The following SYNJ2 variants were observed in gnomAD, a reference collection of about 807,000 sequenced individuals.
SYNJ2 encodes synaptojanin 2, also known as polyphosphatidylinositol phosphatase SYNJ2.
SYNJ2 carries 116 observed loss-of-function variants against 141.3 expected under a neutral mutation model. The ratio of observed to expected loss-of-function variants is 0.82; its 90% CI spans 0.71 to 0.96. SYNJ2 has a LOEUF of 0.96. SYNJ2 is among the 40% of genes least tolerant of loss of function. SYNJ2 has a pLI of 0.00. For missense variants in SYNJ2, 1,873 were observed against 1,934.8 expected (o/e 0.97, Z 0.60); for synonymous variants, 745 against 777.7 (o/e 0.96, Z 0.70).
At chr6:158,010,721 T>G (rs1778231422) in intron 1 of SYNJ2, among the ~76,000 whole-genome samples, 1 of 152,060 alleles carries the variant, frequency 6.6e-6, no homozygotes, top group African/African-American at 2.4e-5. Flanking sequence ...TGGAGTAGGG[T>G]GGGCCCTTAA....
Position 158,062,193 on chromosome 6 carries a change from C to T in SYNJ2, c.1127+29C>T, listed in dbSNP as rs368428973. On this transcript the variant is annotated intron_variant, in intron 8 of 26. Transcript: ENST00000355585. ...AGGCTCGCTGCGCACTGTGCCGCGT[C>T]TTCTGCTGGGGGGAAGCGTCAGTCC... The T allele has an allele frequency of 1.5e-4, 244 of 1,600,244 alleles. 1 individual carries two copies. The highest frequency in any genetic ancestry group is 2.0e-4 in the Non-Finnish European group (231 of 1,172,238).
chr6:158,073,408 A>G (rs9347994), intron 15 of SYNJ2, among the ~76,000 whole-genome samples: 107,910 of 151,766 alleles, frequency 0.71, 38,638 homozygotes, highest in East Asian at 0.88. Context: ...ATGTTGGCCC[A>G]GCTGGTCTCG....
chr6:158,067,810 G>T, intron 12 of SYNJ2: 1 of 985,274 alleles, frequency 1.0e-6, no homozygotes, highest in African/African-American at 1.7e-5. Flanking sequence ...CTGTGTCGGT[G>T]GTAGCCTGGG....
At chr6:158,082,919 A>G (rs1285794517) in intron 20 of SYNJ2, among the ~76,000 whole-genome samples, 1 of 145,928 alleles carries the variant, frequency 6.9e-6, no homozygotes, top group Non-Finnish European at 1.5e-5. Context: ...CCAAATGGGA[A>G]GCTGGAGATG....
At position 158,081,321 on chromosome 6, in the gene SYNJ2, T is replaced by A. The variant is rs758766618; in HGVS notation, c.2780T>A (p.Leu927His). The stretch of plus-strand genomic sequence containing the variant: ...TTGGGGAGTTATGGGACAATTGTTC[T>A]TGTCAGGTAACTGCTCCCCTGGCTG... ...QTLGSYGTIV[L>H]VRINQGQMLV... Residue 927 changes from leucine to histidine, a missense_variant, in exon 19 of 27, where the codon CTT becomes CAT. Coordinates refer to ENST00000355585, the MANE Select transcript of SYNJ2 (RefSeq NM_003898.4). 1.1e-5 allele frequency: 17 copies of A among 1,614,138 alleles called. No individual in the cohort carries two copies. The highest frequency in any genetic ancestry group is 1.4e-5 in the Non-Finnish European group (16 of 1,180,002).
chr6:158,087,880 T>TTTC (rs1162157624), intron 23 of SYNJ2, among the ~76,000 whole-genome samples: 2 of 151,038 alleles, frequency 1.3e-5, no homozygotes, highest in African/African-American at 4.9e-5. Context: ...TACTTCTTTT[T>TTTC]TTTTTTTTTT....
chr6:158,063,671 A>AC (rs1317218231), intron 8 of SYNJ2, 120 bp from the exon 9 acceptor site: 10 of 555,278 alleles, frequency 1.8e-5, no homozygotes, highest in African/African-American at 1.4e-4. Flanking sequence ...AAAAAAAAAA[A>AC]AAAAAAAAAA....
At chr6:158,077,656 A>T (rs1782395598) in intron 17 of SYNJ2, 4 of 9,480 alleles carry the variant, frequency 4.2e-4, no homozygotes, top group South Asian at 4.6e-3. Flanking sequence ...TACATAAAAA[A>T]AAAAAAAAAA....
At chr6:158,011,544 G>A (rs1230576849) in intron 1 of SYNJ2, among the ~76,000 whole-genome samples, 1 of 152,142 alleles carries the variant, frequency 6.6e-6, no homozygotes, top group African/African-American at 2.4e-5. Flanking sequence ...GGTCCTGTTG[G>A]GTTTTGTTTG....
At chr6:158,062,414 G>A (rs909513874) in intron 8 of SYNJ2, among the ~76,000 whole-genome samples, 8 of 152,142 alleles carry the variant, frequency 5.3e-5, no homozygotes, top group South Asian at 4.1e-4. Context: ...CACAGTAGGA[G>A]ACAGGCTTTT....
chr6:158,062,223 T>G, intron 8 of SYNJ2, 59 bp downstream of exon 8: 3 of 1,582,276 alleles, frequency 1.9e-6, no homozygotes, highest in Non-Finnish European at 2.6e-6. Flanking sequence ...CAGTCCACGG[T>G]GAGGCTCGCT....
intron 23 of SYNJ2, 89 bp from the exon 24 acceptor site, chr6:158,088,571 A>T: frequency 1.1e-6 from 1 of 936,208 alleles, no homozygotes; most frequent in Admixed American, 1.8e-5. Flanking sequence ...CTGCTGGGAC[A>T]TCCGCCTCGT....
At position 158,009,489 on chromosome 6, in the gene SYNJ2, A is replaced by T. The variant is rs533907883; in HGVS notation, c.128-7715A>T. ...AGAAGGCACGAAGATGTGTCCACAG[A>T]GCCGGCGGCTAAAAATCTGGCAAGA... On this transcript the variant is annotated intron_variant, in intron 1 of 26. Transcript: ENST00000355585. Among the ~76,000 whole-genome samples, 3 of 152,334 alleles carry T rather than the reference A, an allele frequency of 2.0e-5. No individual in the cohort carries two copies. In the East Asian group the frequency reaches 5.8e-4, roughly 29 times the overall value.
chr6:158,001,737 C>T (rs987163604), intron 1 of SYNJ2: 2 of 152,270 alleles, frequency 1.3e-5, no homozygotes, highest in Admixed American at 6.5e-5. Flanking sequence ...CACACCTACT[C>T]CCTGGCTCTG....
At position 158,095,781 on chromosome 6, in the gene SYNJ2, A is replaced by T. The variant is rs777577699; in HGVS notation, c.3908A>T (p.His1303Leu). The T allele has an allele frequency of 6.2e-7, 1 of 1,614,126 alleles. No homozygotes were observed. The highest frequency in any genetic ancestry group is 1.1e-5 in the South Asian group (1 of 91,072). ...QPGKAAERPS[H>L]RKPASDEAPP... is the part of the protein sequence containing the mutation. Reference sequence around the variant, plus strand: ...GGGAAAGCTGCAGAGAGGCCAAGCCACAGGAAGCCAGCATCAGACGAAGCC... The same window carrying T: ...GGGAAAGCTGCAGAGAGGCCAAGCCTCAGGAAGCCAGCATCAGACGAAGCC... Residue 1303 changes from histidine to leucine, a missense_variant, in exon 27 of 27, where the codon CAC (histidine) becomes CTC (leucine). By Grantham distance (99) the His-to-Leu change is moderately conservative (BLOSUM62 -3). Coordinates refer to ENST00000355585, the MANE Select transcript of SYNJ2 (RefSeq NM_003898.4).
chr6:157,985,993 A>T (rs1777188380), intron 1 of SYNJ2, among the ~76,000 whole-genome samples: 1 of 152,174 alleles, frequency 6.6e-6, no homozygotes, highest in Non-Finnish European at 1.5e-5. Context: ...TGAATTGGTG[A>T]GATGGCCCCA....
chr6:158,076,921 C>G (rs964516504), intron 17 of SYNJ2, 139 bp downstream of exon 17: 11 of 1,061,180 alleles, frequency 1.0e-5, no homozygotes, highest in Admixed American at 3.0e-5. Flanking sequence ...AAAGTCATCC[C>G]AGACCTTAAC....
intron 2 of SYNJ2, chr6:158,026,711 ACT>A (rs1306886340): frequency 2.0e-5 from 8 of 403,692 alleles, no homozygotes; most frequent in African/African-American, 1.7e-4. Flanking sequence ...TCAGCTCATG[ACT>A]CTCACGGAGT....
intron 1 of SYNJ2, among the ~76,000 whole-genome samples, chr6:158,010,924 A>G (rs1430914204): frequency 1.4e-5 from 2 of 145,098 alleles, no homozygotes; most frequent in South Asian, 2.2e-4. Flanking sequence ...ATGACAGGGG[A>G]CACATGGGGA....
Sources: allele counts gnomAD v4.1 joint callset (sites outside exome capture counted in the v4.1 genomes callset), GRCh38; gene constraint gnomAD v4.1.1; transcripts MANE v1.5; gene names NCBI Gene and HGNC (gene_info 2026-07-23, HGNC 2026-07-21).